WWC2: variants seen among roughly 807,000 people sequenced by gnomAD.
The protein encoded by WWC2 is protein WWC2.
Under a neutral mutation model 138.5 loss-of-function variants are expected in WWC2, and 101 were observed. The ratio of observed to expected loss-of-function variants is 0.73; its 90% CI spans 0.62 to 0.86. The LOEUF (loss-of-function observed/expected upper bound fraction) is 0.86, where lower values mean the gene tolerates loss of function less well. Ranked by LOEUF, WWC2 falls within the 40% of genes least tolerant of loss-of-function variation. WWC2 has a pLI of 0.00. For missense variants in WWC2, 1,420 were observed against 1,419.4 expected, an observed-to-expected ratio of 1.00 and a Z score of -0.01; for synonymous variants, 558 against 538.4, an observed-to-expected ratio of 1.04 and a Z score of -0.50.
intron 10 of WWC2, 103 bp from the exon 11 acceptor site, chr4:183,260,807 T>C: frequency 5.6e-6 from 8 of 1,431,554 alleles, no homozygotes; most frequent in South Asian, 1.4e-5. Flanking sequence ...TTCCATTCTT[T>C]AGCAGGTTTC....
intron 13 of WWC2, 42 bp from the exon 14 acceptor site, chr4:183,265,823 C>T (rs1737484968): frequency 1.2e-6 from 2 of 1,608,390 alleles, no homozygotes; most frequent in African/African-American, 2.7e-5. Flanking sequence ...GGGCAAGTGG[C>T]CTGTGGTGAT....
intron 4 of WWC2, among the ~76,000 whole-genome samples, chr4:183,227,363 T>TA (rs982849993): frequency 1.3e-5 from 2 of 152,010 alleles, no homozygotes; most frequent in African/African-American, 4.8e-5. Flanking sequence ...TCCAGAGTAA[T>TA]ACACCTTCAA....
rs755828712 is a variant in WWC2, at chr4:183,312,399, A to G, written c.3443A>G (p.Gln1148Arg). The change falls in exon 22 of 23, where the codon CAA becomes CGA. Residue 1148 changes from glutamine to arginine, a missense_variant. Transcript: ENST00000403733. ...CTGAATGCAGAGAAGTTGATGAGGC[A>G]AGTCTCCAAGGACGTGTGTCGGCTC... ...QGLNAEKLMR[Q>R]VSKDVCRLRE... 6.2e-7 allele frequency: 1 copy of G among 1,613,874 alleles called. No homozygotes were observed. Among genetic ancestry groups the G allele is most frequent in the Non-Finnish European group, 8.5e-7 (1 of 1,179,794 alleles).
chr4:183,132,943 A>G (rs1732973048), intron 1 of WWC2, among the ~76,000 whole-genome samples: 1 of 147,864 alleles, frequency 6.8e-6, no homozygotes, highest in African/African-American at 2.5e-5. Flanking sequence ...CTTTATTATT[A>G]GCCCCTGTTC....
At chr4:183,231,300 C>T (rs1736239485) in intron 4 of WWC2, among the ~76,000 whole-genome samples, 1 of 122,374 alleles carries the variant, frequency 8.2e-6, no homozygotes, top group South Asian at 3.0e-4. Context: ...GACAGAGCCT[C>T]ACTCTGTCAC....
At chr4:183,309,668 A>G (rs1017901668) in intron 21 of WWC2, among the ~76,000 whole-genome samples, 1 of 152,244 alleles carries the variant, frequency 6.6e-6, no homozygotes, top group Non-Finnish European at 1.5e-5. Flanking sequence ...ACAGTTGTAG[A>G]TTTCTGATAA....
chr4:183,173,537 C>G (rs752039812), intron 1 of WWC2, among the ~76,000 whole-genome samples: 2 of 151,962 alleles, frequency 1.3e-5, no homozygotes, highest in African/African-American at 2.4e-5. Flanking sequence ...ACCAACCATT[C>G]TGGCTCTTCA....
chr4:183,166,741 G>A (rs1012841230), intron 1 of WWC2, among the ~76,000 whole-genome samples: 1 of 152,132 alleles, frequency 6.6e-6, no homozygotes, highest in South Asian at 2.1e-4. Context: ...GGACCCTCAG[G>A]TGTCTAGAAT....
Position 183,318,426 on chromosome 4 carries a change from T to C in WWC2, c.*2697T>C, listed in dbSNP as rs1739513463. ...TTGTTTGTAAACGTATGCAAATACA[T>C]CACATAGATTAACTGGTTTCTGCAC... On this transcript the variant is annotated 3_prime_UTR_variant, in exon 23 of 23. Coordinates refer to ENST00000403733, the MANE Select transcript of WWC2 (RefSeq NM_024949.6). 6.6e-6 allele frequency: 1 copy of C among 152,568 alleles called. No homozygotes were observed. Among genetic ancestry groups the C allele is most frequent in the African/African-American group, 2.4e-5 (1 of 41,438 alleles). 9.5% of individuals were successfully genotyped at this position (152,568 alleles called of 1,614,324 possible). A position where few individuals can be genotyped will look rare whatever the true frequency, so the allele number is the denominator to read the frequency against.
chr4:183,221,793 A>G (rs575664261), intron 4 of WWC2, among the ~76,000 whole-genome samples: 3 of 152,328 alleles, frequency 2.0e-5, no homozygotes, highest in South Asian at 2.1e-4. Flanking sequence ...AGTCTCATAC[A>G]TTGCTATGGG....
At chr4:183,237,121 A>C (rs1178399830) in intron 4 of WWC2, among the ~76,000 whole-genome samples, 1 of 152,234 alleles carries the variant, frequency 6.6e-6, no homozygotes, top group Non-Finnish European at 1.5e-5. Flanking sequence ...GCTGCATTCA[A>C]AGCCATCGTG....
At chr4:183,113,639 C>A (rs1193453672) in intron 1 of WWC2, among the ~76,000 whole-genome samples, 1 of 152,026 alleles carries the variant, frequency 6.6e-6, no homozygotes. Context: ...TCAAGCAGTC[C>A]TCCCTCTGCA....
chr4:183,281,232 T>A (rs982972521), intron 17 of WWC2: 1 of 359,710 alleles, frequency 2.8e-6, no homozygotes, highest in Non-Finnish European at 4.9e-6. Flanking sequence ...TAAAAGTGAC[T>A]CTATTTTTCT....
chr4:183,181,715 C>A (rs1734639023), intron 1 of WWC2, among the ~76,000 whole-genome samples: 1 of 152,110 alleles, frequency 6.6e-6, no homozygotes, highest in Non-Finnish European at 1.5e-5. Flanking sequence ...TTGGGAGAGT[C>A]AAAAGTTATA....
At chr4:183,241,244 C>T (rs967851778) in intron 5 of WWC2, among the ~76,000 whole-genome samples, 26 of 152,242 alleles carry the variant, frequency 1.7e-4, no homozygotes, top group African/African-American at 6.0e-4. Context: ...TCAGGCGCCA[C>T]CTCTGTGGAA....
At position 183,213,298 on chromosome 4, in the gene WWC2, A is replaced by T. The variant is rs115885862; in HGVS notation, c.522+4273A>T. On this transcript the variant is annotated intron_variant, in intron 4 of 22. Transcript: ENST00000403733. Reference sequence around the variant, plus strand: ...TGGGTAACTTGGCAGAGTCTGTTAGATTTTGATAATCTGGCCCTTCTTGGT... The same window carrying T: ...TGGGTAACTTGGCAGAGTCTGTTAGTTTTTGATAATCTGGCCCTTCTTGGT... Among the ~76,000 whole-genome samples the T allele has an allele frequency of 6.3e-3, 959 of 152,314 alleles. 5 individuals are homozygous for T. Among genetic ancestry groups the T allele is most frequent in the Non-Finnish European group, 0.01 (710 of 68,026 alleles).
intron 1 of WWC2, among the ~76,000 whole-genome samples, chr4:183,177,802 C>T (rs1231659497): frequency 6.6e-6 from 1 of 152,112 alleles, no homozygotes; most frequent in African/African-American, 2.4e-5. Flanking sequence ...GATTGATTGA[C>T]TCATTTACCT....
At chr4:183,304,685 G>A (rs980039408) in intron 21 of WWC2, among the ~76,000 whole-genome samples, 14 of 152,106 alleles carry the variant, frequency 9.2e-5, no homozygotes, top group African/African-American at 3.1e-4. Flanking sequence ...GGGAAAGACT[G>A]AGAAGCACTT....
intron 2 of WWC2, among the ~76,000 whole-genome samples, chr4:183,205,278 C>T (rs1735417517): frequency 6.6e-6 from 1 of 152,192 alleles, no homozygotes; most frequent in South Asian, 2.1e-4. Context: ...AATGGTATCC[C>T]ATTATAGTTT....
Sources: allele counts gnomAD v4.1 joint callset (sites outside exome capture counted in the v4.1 genomes callset), GRCh38; gene constraint gnomAD v4.1.1; transcripts MANE v1.5; gene names NCBI Gene and HGNC (gene_info 2026-07-23, HGNC 2026-07-21).